The following INTS2 variants were observed in gnomAD, a reference collection of about 807,000 sequenced individuals.
INTS2 encodes the protein KIAA1287.
In INTS2, 57 loss-of-function variants were observed where a neutral mutation model predicts 139.6. The ratio of observed to expected loss-of-function variants is 0.41; its 90% CI spans 0.33 to 0.51. The LOEUF (loss-of-function observed/expected upper bound fraction) is 0.51. Ranked by LOEUF, INTS2 falls within the 20% of genes least tolerant of loss-of-function variation. The pLI is 0.28. For synonymous variants in INTS2, 473 were observed against 493.4 expected (o/e 0.96, Z 0.55); for missense variants, 1,196 against 1,436.7 (o/e 0.83, Z 2.71).
intron 16 of INTS2, 68 bp from the exon 17 acceptor site, chr17:61,881,239 C>G (rs2079175743): frequency 8.3e-7 from 1 of 1,210,096 alleles, no homozygotes; most frequent in Non-Finnish European, 1.2e-6. Flanking sequence ...CCACCCCTCT[C>G]ATTTTTATCA....
At chr17:61,918,724 G>C (rs888494428) in intron 5 of INTS2, among the ~76,000 whole-genome samples, 2 of 151,884 alleles carry the variant, frequency 1.3e-5, no homozygotes, top group African/African-American at 4.8e-5. Context: ...TTTAAATAGA[G>C]GTGAAAAAAT....
intron 13 of INTS2, among the ~76,000 whole-genome samples, chr17:61,891,978 T>C (rs1406845463): frequency 6.6e-6 from 1 of 152,166 alleles, no homozygotes; most frequent in Admixed American, 6.6e-5. Flanking sequence ...CTACCATATC[T>C]GTATTTAGAG....
At chr17:61,920,681 T>C (rs947753720) in intron 4 of INTS2, among the ~76,000 whole-genome samples, 1 of 151,884 alleles carries the variant, frequency 6.6e-6, no homozygotes, top group African/African-American at 2.4e-5. Flanking sequence ...CGCATGCCTG[T>C]AATCCCAGCT....
chr17:61,893,637 G>A lies in INTS2; in HGVS notation c.1698+128C>T. 1.8e-6 allele frequency: 1 copy of A among 548,450 alleles called. No homozygotes were observed. 34.0% of individuals were successfully genotyped at this position (548,450 alleles called of 1,614,324 possible). ...TTTAACCCAGGAGGCAGAGGTTACA[G>A]TGAGCCAAGACTGCACCACTGCACT... On this transcript the variant is annotated intron_variant, in intron 13 of 24. Coordinates refer to ENST00000251334, the MANE Select transcript of INTS2 (RefSeq NM_001351695.2). This position sits in a 1 kb window ranked among gnomAD's most constrained non-coding sequence, Gnocchi z 5.4.
chr17:61,881,623 C>T (rs748039527), intron 16 of INTS2, among the ~76,000 whole-genome samples: 1 of 152,082 alleles, frequency 6.6e-6, no homozygotes, highest in Non-Finnish European at 1.5e-5. Context: ...GATTAGAGCA[C>T]CACCAGCACC....
At chr17:61,925,408 G>A (rs377542020) in intron 2 of INTS2, among the ~76,000 whole-genome samples, 49 of 150,790 alleles carry the variant, frequency 3.2e-4, no homozygotes, top group African/African-American at 1.1e-3. Flanking sequence ...GTGAAACCTC[G>A]TCTCTACTAA....
chr17:61,926,053 G>A lies in INTS2; in HGVS notation c.293+299C>T, dbSNP rs538479488. 9.9e-5 allele frequency among the ~76,000 whole-genome samples: 15 copies of A among 151,882 alleles called. No individual in the cohort carries two copies. The South Asian group carries it at 2.7e-3, about 27-fold the overall frequency. ...AAAAAGAAAAAAAAAAGCCTCCCAA[G>A]TGATTCCAATAAATCCCTCTAATCT... On this transcript the variant is annotated intron_variant, in intron 2 of 24. Coordinates refer to ENST00000251334, the MANE Select transcript of INTS2 (RefSeq NM_001351695.2).
chr17:61,886,012 G>A (rs541606894), intron 15 of INTS2, among the ~76,000 whole-genome samples: 7 of 151,874 alleles, frequency 4.6e-5, no homozygotes, highest in African/African-American at 1.7e-4. Flanking sequence ...ACAGGCATGA[G>A]CCACAGTGAA....
intron 7 of INTS2, among the ~76,000 whole-genome samples, chr17:61,908,242 C>CAG (rs2079486603): frequency 6.6e-6 from 1 of 152,056 alleles, no homozygotes; most frequent in Admixed American, 6.6e-5. Flanking sequence ...TGGTGAAACC[C>CAG]CATCTCTACT....
At position 61,897,623 on chromosome 17, in the gene INTS2, A is replaced by G; in HGVS notation, c.1380-40T>C. Reference sequence around the variant, plus strand: ...TAGGAAATATGAATTTTCCAAAGAGAGAAGAAGAAAAGCTTTCTCAACTAA... The same window carrying G: ...TAGGAAATATGAATTTTCCAAAGAGGGAAGAAGAAAAGCTTTCTCAACTAA... On this transcript the variant is annotated intron_variant, in intron 10 of 24. Transcript: ENST00000251334. The surrounding 1 kb of genome is among the most constrained non-coding windows in gnomAD (Gnocchi z 4.4). The G allele has an allele frequency of 1.3e-6, 2 of 1,582,222 alleles. No individual in the cohort carries two copies. The highest frequency in any genetic ancestry group is 1.7e-6 in the Non-Finnish European group (2 of 1,160,322).
intron 15 of INTS2, among the ~76,000 whole-genome samples, chr17:61,888,147 G>A (rs978904705): frequency 6.6e-6 from 1 of 152,054 alleles, no homozygotes; most frequent in Non-Finnish European, 1.5e-5. Context: ...AAGCCAGGAG[G>A]ACTGCTCGAG....
rs541939682 is a variant in INTS2, at chr17:61,867,524, A to T, written c.*33T>A. 1 of 1,448,360 alleles carries T rather than the reference A, an allele frequency of 6.9e-7. No homozygotes were observed. Among genetic ancestry groups the T allele is most frequent in the South Asian group, 1.2e-5 (1 of 82,908 alleles). The allele number at this position is 1,448,360 out of a possible 1,614,324, so 89.7% of individuals were successfully genotyped here. A position where few individuals can be genotyped will look rare whatever the true frequency, so the allele number is the denominator to read the frequency against. The stretch of plus-strand genomic sequence containing the variant: ...ATGCAGATTCATGTTGGGTATATGC[A>T]GCAAACAACTTTTTGTTGTTTTAAA... On this transcript the variant is annotated 3_prime_UTR_variant, in exon 25 of 25. Transcript: ENST00000251334. This position sits in a 1 kb window ranked among gnomAD's most constrained non-coding sequence, Gnocchi z 5.6.
chr17:61,911,727 A>T (rs1268491582), intron 6 of INTS2, 34 bp from the exon 7 acceptor site: 1 of 1,589,222 alleles, frequency 6.3e-7, no homozygotes, highest in Non-Finnish European at 8.6e-7. Context: ...TGAATTCAGT[A>T]TCATAAGCAA....
chr17:61,926,634 C>T lies in INTS2; in HGVS notation c.11G>A (p.Cys4Tyr). The change falls in exon 2 of 25, where the codon TGT becomes TAT. Residue 4 changes from cysteine (C) to tyrosine (Y), a missense_variant. Coordinates refer to ENST00000251334, the MANE Select transcript of INTS2 (RefSeq NM_001351695.2). MTE[C>Y]TSLQFVSPFA... ...AGGGCTGACAAACTGAAGACTTGTA[C>T]ATTCAGTCATTATTACTGTTTGTTG... is the stretch of plus-strand genomic sequence containing the variant. 6.2e-7 allele frequency: 1 copy of T among 1,607,756 alleles called. No homozygotes were observed. Among genetic ancestry groups the T allele is most frequent in the Non-Finnish European group, 8.5e-7 (1 of 1,176,586 alleles).
At chr17:61,921,668 C>T in intron 4 of INTS2, 57 bp downstream of exon 4, 1 of 815,602 alleles carries the variant, frequency 1.2e-6, no homozygotes, top group East Asian at 2.6e-5. Flanking sequence ...AGAAGTTACA[C>T]AGTATCATTT....
chr17:61,919,922 T>C (rs531981135), intron 4 of INTS2, among the ~76,000 whole-genome samples: 1 of 152,142 alleles, frequency 6.6e-6, no homozygotes, highest in Non-Finnish European at 1.5e-5. Context: ...TATTATTAAA[T>C]ATCTTTTGAC....
chr17:61,907,394 A>G lies in INTS2; in HGVS notation c.1181+14T>C. On this transcript the variant is annotated intron_variant, in intron 8 of 24. Coordinates refer to ENST00000251334, the MANE Select transcript of INTS2 (RefSeq NM_001351695.2). ...TAAAATGACAAAAAGGTAAAATATC[A>G]AACTATTGAATACTTGAGTCCAGCG... 6.5e-7 allele frequency: 1 copy of G among 1,550,026 alleles called. No homozygotes were observed.
At chr17:61,886,906 T>C (rs2079234535) in intron 15 of INTS2, among the ~76,000 whole-genome samples, 1 of 152,220 alleles carries the variant, frequency 6.6e-6, no homozygotes, top group Non-Finnish European at 1.5e-5. Flanking sequence ...ACCACATATA[T>C]ACCATATACT....
At chr17:61,874,172 T>A (rs563036422) in intron 19 of INTS2, 21 of 152,286 alleles carry the variant, frequency 1.4e-4, no homozygotes, top group African/African-American at 5.1e-4. Flanking sequence ...ACCACTGCAC[T>A]CGAACCAGCC....
Sources: gnomAD v4.1 joint callset for allele counts (sites outside exome capture counted in the v4.1 genomes callset) on GRCh38, gnomAD v4.1.1 for gene constraint, Gnocchi (gnomAD v3.1) non-coding constraint, MANE v1.5 for transcripts, NCBI Gene and HGNC (gene_info 2026-07-23, HGNC 2026-07-21) for gene names.